Variants in DPP10 observed in about 807,000 individuals in gnomAD.
DPP10 encodes the protein inactive dipeptidyl peptidase 10.
A neutral mutation model predicts 120.9 loss-of-function variants in DPP10; 33 were observed. That is an observed-to-expected ratio of 0.27 (90% CI 0.21 to 0.37). The LOEUF is 0.37. Among genes scored for constraint, DPP10 ranks in the 10% least tolerant of loss-of-function variants. The pLI is 1.00. For synonymous variants in DPP10, 337 were observed against 326.1 expected (o/e 1.03, Z -0.36); for missense variants, 816 against 942.8 (o/e 0.87, Z 1.76).
chr2:115,374,649 C>A (rs1408057584), intron 3 of DPP10, among the ~76,000 whole-genome samples: 1 of 152,230 alleles, frequency 6.6e-6, no homozygotes, highest in African/African-American at 2.4e-5. Context: ...TCTGCCTGGA[C>A]ATCCAGGCGT....
At chr2:114,783,451 C>T (rs1682500673) in intron 1 of DPP10, among the ~76,000 whole-genome samples, 1 of 152,124 alleles carries the variant, frequency 6.6e-6, no homozygotes, top group African/African-American at 2.4e-5. Flanking sequence ...AAACAATTTA[C>T]CTGTTCTCAT....
chr2:114,740,479 C>T (rs780425293), intron 1 of DPP10, among the ~76,000 whole-genome samples: 42 of 146,910 alleles, frequency 2.9e-4, no homozygotes, highest in Non-Finnish European at 5.5e-4. Context: ...GCACATTGTG[C>T]ACATGTACCC....
chr2:114,767,207 C>CAAA (rs5833559), intron 1 of DPP10, among the ~76,000 whole-genome samples: 812 of 33,116 alleles, frequency 0.025, 13 homozygotes, highest in African/African-American at 0.037. Flanking sequence ...AGGATAAAAG[C>CAAA]AAAAAAAAAA....
intron 1 of DPP10, among the ~76,000 whole-genome samples, chr2:115,146,196 C>A (rs1010839038): frequency 9.9e-5 from 15 of 151,962 alleles, no homozygotes; most frequent in African/African-American, 3.6e-4. Flanking sequence ...AAAGTGTGAT[C>A]CCGAATCCCA....
At chr2:114,452,019 G>C (rs1004639815) in intron 1 of DPP10, among the ~76,000 whole-genome samples, 3 of 152,116 alleles carry the variant, frequency 2.0e-5, no homozygotes, top group Non-Finnish European at 4.4e-5. Context: ...TTAATATATG[G>C]TCTTTAAATA....
intron 3 of DPP10, among the ~76,000 whole-genome samples, chr2:115,403,071 A>C (rs922942771): frequency 6.6e-6 from 1 of 151,206 alleles, no homozygotes; most frequent in Admixed American, 6.6e-5. Flanking sequence ...ATTTTTCACA[A>C]TCAAGTGAGA....
At chr2:114,509,760 C>T (rs1225691185) in intron 1 of DPP10, among the ~76,000 whole-genome samples, 1 of 152,126 alleles carries the variant, frequency 6.6e-6, no homozygotes, top group Non-Finnish European at 1.5e-5. Flanking sequence ...TGAAGGAAGT[C>T]ATTTGTGAAT....
At chr2:115,111,368 A>T (rs901701308) in intron 1 of DPP10, among the ~76,000 whole-genome samples, 9 of 151,942 alleles carry the variant, frequency 5.9e-5, no homozygotes, top group Admixed American at 3.9e-4. Flanking sequence ...GTTCCTAAGG[A>T]TCAACTTGGT....
intron 3 of DPP10, among the ~76,000 whole-genome samples, chr2:115,484,569 T>C (rs1177297198): frequency 6.6e-6 from 1 of 152,116 alleles, no homozygotes; most frequent in Non-Finnish European, 1.5e-5. Flanking sequence ...TTTTGGTTTT[T>C]TTATGTTGTC....
At chr2:115,815,614 T>C in intron 20 of DPP10, 61 bp from the exon 21 acceptor site, 1 of 1,425,150 alleles carries the variant, frequency 7.0e-7, no homozygotes, top group Non-Finnish European at 9.7e-7. Flanking sequence ...ATGCCAACTA[T>C]ATATTTATAT....
rs34873744 is a variant in DPP10, at chr2:115,507,032, G to GCACA, written c.366+7429_366+7430insACAC. Among the ~76,000 whole-genome samples the GCACA allele has an allele frequency of 9.1e-3, 1,353 of 148,796 alleles. 8 individuals are homozygous for GCACA. The highest frequency in any genetic ancestry group is 0.011 in the South Asian group (51 of 4,786). On this transcript the variant is annotated intron_variant, in intron 4 of 25. Coordinates refer to ENST00000410059, the MANE Select transcript of DPP10 (RefSeq NM_020868.6). ...TTGGCTGCATTACACACACACGCAC[G>GCACA]CGCACACACACACACACACACACAG...
intron 5 of DPP10, among the ~76,000 whole-genome samples, chr2:115,635,883 A>G (rs529599040): frequency 9.2e-5 from 14 of 152,214 alleles, no homozygotes; most frequent in Non-Finnish European, 1.9e-4. Flanking sequence ...TTATCAATAC[A>G]TTCTAAAATC....
intron 1 of DPP10, among the ~76,000 whole-genome samples, chr2:114,940,923 C>T (rs1696847256): frequency 6.6e-6 from 1 of 152,058 alleles, no homozygotes; most frequent in African/African-American, 2.4e-5. Context: ...AATTACATTC[C>T]CTAGACTCTT....
chr2:115,288,707 G>A (rs1206372562), intron 1 of DPP10, among the ~76,000 whole-genome samples: 1 of 151,936 alleles, frequency 6.6e-6, no homozygotes, highest in Non-Finnish European at 1.5e-5. Context: ...TAGTGACAAA[G>A]CAAGACTGCC....
chr2:114,632,706 G>T (rs1174318046), intron 1 of DPP10, among the ~76,000 whole-genome samples: 2 of 151,884 alleles, frequency 1.3e-5, no homozygotes, highest in African/African-American at 4.8e-5. Context: ...TAGAGACAGA[G>T]TTTCACCGTG....
At chr2:114,886,232 T>C (rs937522786) in intron 1 of DPP10, among the ~76,000 whole-genome samples, 4 of 152,206 alleles carry the variant, frequency 2.6e-5, no homozygotes, top group African/African-American at 9.6e-5. Context: ...AATATGTCTC[T>C]GATGTTCTTT....
intron 17 of DPP10, among the ~76,000 whole-genome samples, chr2:115,784,301 G>A (rs1476427360): frequency 1.3e-5 from 2 of 151,776 alleles, no homozygotes; most frequent in East Asian, 1.9e-4. Context: ...CTCATTTTTG[G>A]GCCACATGAA....
rs188439518 is a variant in DPP10, at chr2:114,587,745, T to G, written c.60+144907T>G. Reference sequence around the variant, plus strand: ...CTCAAACACTGTAAACTCTTGCAATTTAGAGACATAATTTTACACATTTTT... The same window carrying G: ...CTCAAACACTGTAAACTCTTGCAATGTAGAGACATAATTTTACACATTTTT... On this transcript the variant is annotated intron_variant, in intron 1 of 25. Transcript: ENST00000410059. Among the ~76,000 whole-genome samples the G allele has an allele frequency of 2.0e-4, 30 of 152,304 alleles. No individual in the cohort carries two copies. In the East Asian group the frequency reaches 4.6e-3, roughly 23 times the overall value.
At chr2:115,225,245 A>G (rs2057374054) in intron 1 of DPP10, among the ~76,000 whole-genome samples, 1 of 152,158 alleles carries the variant, frequency 6.6e-6, no homozygotes, top group Non-Finnish European at 1.5e-5. Flanking sequence ...GCTCGCTCCA[A>G]GAGGGAAGAT....
Sources: gnomAD v4.1 joint callset for allele counts (sites outside exome capture counted in the v4.1 genomes callset) on GRCh38, gnomAD v4.1.1 for gene constraint, MANE v1.5 for transcripts, NCBI Gene and HGNC (gene_info 2026-07-23, HGNC 2026-07-21) for gene names.